LRMDA: variants seen among roughly 807,000 people sequenced by gnomAD.
LRMDA encodes leucine-rich melanocyte differentiation-associated protein.
Under a neutral mutation model 29.8 loss-of-function variants are expected in LRMDA, and 18 were observed. The observed-to-expected ratio is 0.60, with a 90% confidence interval of 0.42 to 0.90. The LOEUF (loss-of-function observed/expected upper bound fraction) is 0.90, where lower values mean the gene tolerates loss of function less well. LRMDA is among the 40% of genes least tolerant of loss of function. LRMDA has a pLI of 0.00. For missense variants in LRMDA, 273 were observed against 273.9 expected (o/e 1.00, Z 0.02); for synonymous variants, 125 against 109.4 (o/e 1.14, Z -0.89).
intron 2 of LRMDA, among the ~76,000 whole-genome samples, chr10:75,755,988 T>G (rs1284630832): frequency 6.6e-6 from 1 of 152,112 alleles, no homozygotes; most frequent in East Asian, 1.9e-4. Context: ...GGAGCAAGAG[T>G]GGAAACTGTG....
intron 5 of LRMDA, among the ~76,000 whole-genome samples, chr10:76,164,217 T>C (rs1295406469): frequency 6.6e-6 from 1 of 152,208 alleles, no homozygotes; most frequent in Admixed American, 6.5e-5. Flanking sequence ...AAAGGCTTTG[T>C]GTTTTTACTA....
At chr10:75,722,706 A>G (rs1436965505) in intron 2 of LRMDA, among the ~76,000 whole-genome samples, 1 of 152,218 alleles carries the variant, frequency 6.6e-6, no homozygotes, top group African/African-American at 2.4e-5. Flanking sequence ...TGTTGGAAAC[A>G]GCAAAAGTAG....
Position 76,058,803 on chromosome 10 carries a change from T to G in LRMDA, c.516+20T>G. 6.4e-7 allele frequency: 1 copy of G among 1,567,578 alleles called. No individual in the cohort carries two copies. The highest frequency in any genetic ancestry group is 8.8e-7 in the Non-Finnish European group (1 of 1,137,686). ...CCCAAGGTGAGCTGCCTACTTGCTG[T>G]TCTTCACAAGGGATTTACATCTCAT... is the stretch of plus-strand genomic sequence containing the variant. On this transcript the variant is annotated intron_variant, in intron 5 of 6. Coordinates refer to ENST00000611255, the MANE Select transcript of LRMDA (RefSeq NM_001305581.2).
At position 76,557,511 on chromosome 10, in the gene LRMDA, A is replaced by C; in HGVS notation, c.*223A>C. On this transcript the variant is annotated 3_prime_UTR_variant, in exon 7 of 7. Transcript: ENST00000611255. Reference sequence around the variant, plus strand: ...CATAGAGATTGACATGATTGCCCTTAAGCAGGTCTCATCCACCAGGGTGAC... The same window carrying C: ...CATAGAGATTGACATGATTGCCCTTCAGCAGGTCTCATCCACCAGGGTGAC... The C allele has an allele frequency of 1.7e-6, 1 of 578,918 alleles. No homozygotes were observed. Among genetic ancestry groups the C allele is most frequent in the Non-Finnish European group, 3.1e-6 (1 of 325,918 alleles). The allele number at this position is 578,918 out of a possible 1,614,324, so 35.9% of individuals were successfully genotyped here. A position where few individuals can be genotyped will look rare whatever the true frequency, so the allele number is the denominator to read the frequency against.
intron 2 of LRMDA, among the ~76,000 whole-genome samples, chr10:75,919,673 T>C (rs561443958): frequency 6.6e-6 from 1 of 152,308 alleles, no homozygotes; most frequent in East Asian, 1.9e-4. Context: ...CGAAAAAGGC[T>C]TTCTGAAATC....
At chr10:76,044,715 C>G (rs1463248937) in intron 3 of LRMDA, among the ~76,000 whole-genome samples, 1 of 152,174 alleles carries the variant, frequency 6.6e-6, no homozygotes, top group African/African-American at 2.4e-5. Flanking sequence ...CTCCCATTCT[C>G]ACCTCCTCAT....
At chr10:75,763,651 T>C (rs1417759890) in intron 2 of LRMDA, among the ~76,000 whole-genome samples, 1 of 152,100 alleles carries the variant, frequency 6.6e-6, no homozygotes, top group Non-Finnish European at 1.5e-5. Context: ...TTCGAAGTCT[T>C]CCTTATTTCT....
At chr10:76,470,676 G>A (rs1189369344) in intron 6 of LRMDA, among the ~76,000 whole-genome samples, 4 of 152,016 alleles carry the variant, frequency 2.6e-5, no homozygotes, top group Non-Finnish European at 4.4e-5. Context: ...CTTAATTGAG[G>A]TATCTAAAAT....
intron 2 of LRMDA, among the ~76,000 whole-genome samples, chr10:75,776,762 A>G (rs760576011): frequency 4.1e-4 from 62 of 152,234 alleles, no homozygotes; most frequent in Admixed American, 3.9e-4. Flanking sequence ...TTTCCACAGA[A>G]ATGTCTGAAA....
At chr10:75,614,127 C>G (rs917403920) in intron 2 of LRMDA, among the ~76,000 whole-genome samples, 2 of 152,122 alleles carry the variant, frequency 1.3e-5, no homozygotes, top group African/African-American at 4.8e-5. Context: ...CCCTATCACC[C>G]CTTTGTCTCT....
intron 2 of LRMDA, among the ~76,000 whole-genome samples, chr10:75,757,384 G>C (rs1843044664): frequency 6.6e-6 from 1 of 152,166 alleles, no homozygotes; most frequent in Non-Finnish European, 1.5e-5. Context: ...CATTGGCTGG[G>C]ACTCAGTCAC....
chr10:75,495,154 G>C (rs745491032), intron 2 of LRMDA, among the ~76,000 whole-genome samples: 1 of 152,198 alleles, frequency 6.6e-6, no homozygotes, highest in Non-Finnish European at 1.5e-5. Context: ...GGGAGAAGGG[G>C]AGAATGGATA....
intron 6 of LRMDA, among the ~76,000 whole-genome samples, chr10:76,550,848 G>T (rs1843485901): frequency 6.6e-6 from 1 of 152,064 alleles, no homozygotes; most frequent in Admixed American, 6.5e-5. Context: ...TCTTTATTCT[G>T]TCTTAGTATT....
chr10:75,455,461 A>T (rs1844504781), intron 2 of LRMDA, among the ~76,000 whole-genome samples: 1 of 152,194 alleles, frequency 6.6e-6, no homozygotes, highest in Non-Finnish European at 1.5e-5. Context: ...AAATTATTAG[A>T]GAACAATATG....
intron 6 of LRMDA, among the ~76,000 whole-genome samples, chr10:76,506,894 C>G (rs1478687931): frequency 6.6e-6 from 1 of 151,994 alleles, no homozygotes; most frequent in African/African-American, 2.4e-5. Flanking sequence ...CATATCTTGG[C>G]TATGGTGAAT....
chr10:76,362,892 A>T (rs1329195685), intron 6 of LRMDA, among the ~76,000 whole-genome samples: 1 of 151,558 alleles, frequency 6.6e-6, no homozygotes, highest in Non-Finnish European at 1.5e-5. Context: ...ACCTGTCCTA[A>T]TCTTATTTTT....
At chr10:76,426,228 A>T (rs183055175) in intron 6 of LRMDA, among the ~76,000 whole-genome samples, 2 of 152,314 alleles carry the variant, frequency 1.3e-5, no homozygotes, top group East Asian at 3.9e-4. Flanking sequence ...AACAGTTTAA[A>T]GTGTTCCTAT....
At chr10:75,924,843 T>C (rs1283758816) in intron 2 of LRMDA, among the ~76,000 whole-genome samples, 2 of 152,154 alleles carry the variant, frequency 1.3e-5, no homozygotes, top group Admixed American at 6.5e-5. Flanking sequence ...TTTCCTATTA[T>C]ATTTTCCCCC....
intron 2 of LRMDA, among the ~76,000 whole-genome samples, chr10:75,564,649 C>G (rs1034609637): frequency 6.6e-6 from 1 of 152,202 alleles, no homozygotes; most frequent in Admixed American, 6.5e-5. Context: ...AGCTGTAGAC[C>G]GGAGCTGTTC....
Sources: gnomAD v4.1 joint callset for allele counts (sites outside exome capture counted in the v4.1 genomes callset) on GRCh38, gnomAD v4.1.1 for gene constraint, MANE v1.5 for transcripts, NCBI Gene and HGNC (gene_info 2026-07-23, HGNC 2026-07-21) for gene names.